The following KCNQ3 variants were observed in gnomAD, a reference collection of about 807,000 sequenced individuals.
KCNQ3 encodes potassium voltage-gated channel subfamily Q member 3.
In KCNQ3, 30 loss-of-function variants were observed where a neutral mutation model predicts 92.5. That is an observed-to-expected ratio of 0.32 (90% CI 0.24 to 0.44). KCNQ3 has a LOEUF of 0.44. KCNQ3 is among the 20% of genes least tolerant of loss of function. KCNQ3 has a pLI of 1.00. For synonymous variants in KCNQ3, 450 were observed against 468.8 expected (o/e 0.96, Z 0.52); for missense variants, 913 against 1,140.3 (o/e 0.80, Z 2.87).
intron 1 of KCNQ3, among the ~76,000 whole-genome samples, chr8:132,301,360 C>T (rs1817211735): frequency 6.6e-6 from 1 of 152,140 alleles, no homozygotes; most frequent in African/African-American, 2.4e-5. Context: ...CCACCATGGC[C>T]ACCCTCCCTG....
At chr8:132,418,589 C>T (rs1820882377) in intron 1 of KCNQ3, among the ~76,000 whole-genome samples, 1 of 152,116 alleles carries the variant, frequency 6.6e-6, no homozygotes, top group African/African-American at 2.4e-5. Context: ...AGTTCAAGAC[C>T]TGCCTGGACA....
chr8:132,208,737 A>C (rs111315877), intron 1 of KCNQ3, among the ~76,000 whole-genome samples: 19 of 152,322 alleles, frequency 1.2e-4, no homozygotes, highest in African/African-American at 4.6e-4. Flanking sequence ...GGGTCTAATC[A>C]ATAGACTTCT....
chr8:132,200,171 T>C (rs1212780997), intron 1 of KCNQ3, among the ~76,000 whole-genome samples: 2 of 152,216 alleles, frequency 1.3e-5, no homozygotes, highest in East Asian at 3.8e-4. Flanking sequence ...TATATATGTT[T>C]ATATCTATAT....
intron 1 of KCNQ3, among the ~76,000 whole-genome samples, chr8:132,293,421 C>G (rs1242280662): frequency 6.6e-6 from 1 of 152,248 alleles, no homozygotes; most frequent in East Asian, 1.9e-4. Flanking sequence ...CAGCTGGTGT[C>G]TGCTGCCTGG....
At chr8:132,427,570 T>C (rs1262629639) in intron 1 of KCNQ3, among the ~76,000 whole-genome samples, 1 of 152,250 alleles carries the variant, frequency 6.6e-6, no homozygotes, top group Non-Finnish European at 1.5e-5. Flanking sequence ...TGCTGTAAGC[T>C]GCATTTGCTC....
At chr8:132,440,297 T>C (rs1235059013) in intron 1 of KCNQ3, among the ~76,000 whole-genome samples, 1 of 152,212 alleles carries the variant, frequency 6.6e-6, no homozygotes, top group Admixed American at 6.5e-5. Flanking sequence ...GCAGCACAGA[T>C]GAAGTGCTGC....
chr8:132,333,050 TG>T (rs1321263622), intron 1 of KCNQ3, among the ~76,000 whole-genome samples: 1 of 150,872 alleles, frequency 6.6e-6, no homozygotes, highest in Admixed American at 6.6e-5. Flanking sequence ...GATGGATGGA[TG>T]GATGGATGGA....
At chr8:132,315,156 T>C (rs971635010) in intron 1 of KCNQ3, among the ~76,000 whole-genome samples, 6 of 151,954 alleles carry the variant, frequency 3.9e-5, no homozygotes, top group Admixed American at 1.3e-4. Flanking sequence ...AAATGAGAAA[T>C]TGAATATATT....
Position 132,125,269 on chromosome 8 carries a change from C to T in KCNQ3, c.*3993G>A, listed in dbSNP as rs548354067. The T allele has an allele frequency of 6.6e-6, 1 of 152,280 alleles. No individual in the cohort carries two copies. Among genetic ancestry groups the T allele is most frequent in the African/African-American group, 2.4e-5 (1 of 41,550 alleles). The allele number at this position is 152,280 out of a possible 1,614,324, so 9.4% of individuals were successfully genotyped here. A position where few individuals can be genotyped will look rare whatever the true frequency, so the allele number is the denominator to read the frequency against. ...CTTGACTGGGCTGATTGGATCATTGCCATTTTGATGTAGAACCTTTGCTCT... is the reference window on the plus strand; with the variant it reads ...CTTGACTGGGCTGATTGGATCATTGTCATTTTGATGTAGAACCTTTGCTCT... On this transcript the variant is annotated 3_prime_UTR_variant, in exon 15 of 15. Coordinates refer to ENST00000388996, the MANE Select transcript of KCNQ3 (RefSeq NM_004519.4).
chr8:132,274,617 TTTCA>T (rs1485635843), intron 1 of KCNQ3, among the ~76,000 whole-genome samples: 1 of 152,220 alleles, frequency 6.6e-6, no homozygotes, highest in Non-Finnish European at 1.5e-5. Flanking sequence ...CCATGTTATA[TTTCA>T]TTCATTCATC....
intron 1 of KCNQ3, among the ~76,000 whole-genome samples, chr8:132,275,457 T>A (rs529253943): frequency 6.6e-6 from 1 of 152,168 alleles, no homozygotes; most frequent in East Asian, 1.9e-4. Flanking sequence ...AATCCAGTCA[T>A]CATTAGCAAC....
intron 9 of KCNQ3, among the ~76,000 whole-genome samples, chr8:132,152,826 A>G (rs185230788): frequency 1.6e-4 from 25 of 151,992 alleles, no homozygotes; most frequent in African/African-American, 6.0e-4. Flanking sequence ...AAAAGGTCTT[A>G]TCTGAGATTC....
chr8:132,480,674 C>T lies in KCNQ3; in HGVS notation c.-142G>A. The T allele has an allele frequency of 2.3e-6, 2 of 864,830 alleles. No individual in the cohort carries two copies. Among genetic ancestry groups the T allele is most frequent in the Non-Finnish European group, 2.8e-6 (2 of 710,010 alleles). The allele number at this position is 864,830 out of a possible 1,614,324, so 53.6% of individuals were successfully genotyped here. ...ATGATCCGCGCGCCCCTCCCCACCCCCCCCCAAAAGCAGGCAAAGGCGGGC... is the reference window on the plus strand; with the variant it reads ...ATGATCCGCGCGCCCCTCCCCACCCTCCCCCAAAAGCAGGCAAAGGCGGGC... On this transcript the variant is annotated 5_prime_UTR_variant, in exon 1 of 15. Transcript: ENST00000388996.
At position 132,480,404 on chromosome 8, in the gene KCNQ3, C is replaced by T. The variant is rs1274459587; in HGVS notation, c.129G>A (p.Val43=). 2.0e-6 allele frequency: 3 copies of T among 1,529,852 alleles called. No homozygotes were observed. Among genetic ancestry groups the T allele is most frequent in the South Asian group, 2.4e-5 (2 of 82,104 alleles). The allele number at this position is 1,529,852 out of a possible 1,614,324, so 94.8% of individuals were successfully genotyped here. A position where few individuals can be genotyped will look rare whatever the true frequency, so the allele number is the denominator to read the frequency against. The change falls in exon 1 of 15, where the codon GTG becomes GTA. Residue 43 remains valine (V), a synonymous_variant. Transcript: ENST00000388996. The part of the protein sequence containing the change: ...AAAAGDEERK[V]GLAPGDVEQV... Reference sequence around the variant, plus strand: ...GCTCCACGTCGCCGGGCGCCAGCCCCACTTTCCGCTCCTCGTCGCCGGCCG... The same window carrying T: ...GCTCCACGTCGCCGGGCGCCAGCCCTACTTTCCGCTCCTCGTCGCCGGCCG...
At chr8:132,299,161 C>CATATATAT (rs35617146) in intron 1 of KCNQ3, among the ~76,000 whole-genome samples, 17 of 140,196 alleles carry the variant, frequency 1.2e-4, no homozygotes, top group African/African-American at 2.6e-4. Flanking sequence ...GCACATAGTA[C>CATATATAT]ATATATATAT....
chr8:132,286,397 C>T (rs1014201840), intron 1 of KCNQ3, among the ~76,000 whole-genome samples: 5 of 152,340 alleles, frequency 3.3e-5, no homozygotes, highest in African/African-American at 7.2e-5. Flanking sequence ...ATGTCCTTCC[C>T]TCTGTGTTTC....
intron 1 of KCNQ3, among the ~76,000 whole-genome samples, chr8:132,221,081 C>T (rs1247658550): frequency 6.6e-6 from 1 of 152,132 alleles, no homozygotes; most frequent in Admixed American, 6.5e-5. Context: ...GTTTTCTGTC[C>T]TTGTGATAGT....
At chr8:132,266,399 G>T (rs1396025245) in intron 1 of KCNQ3, among the ~76,000 whole-genome samples, 1 of 152,188 alleles carries the variant, frequency 6.6e-6, no homozygotes, top group Non-Finnish European at 1.5e-5. Flanking sequence ...TATGTCACAA[G>T]TTACTCTGTA....
At chr8:132,439,479 C>A (rs1229884660) in intron 1 of KCNQ3, among the ~76,000 whole-genome samples, 1 of 152,000 alleles carries the variant, frequency 6.6e-6, no homozygotes, top group Non-Finnish European at 1.5e-5. Context: ...TGTTTTAACC[C>A]CCAGAATCTG....
Sources: gnomAD v4.1 joint callset for allele counts (sites outside exome capture counted in the v4.1 genomes callset) on GRCh38, gnomAD v4.1.1 for gene constraint, MANE v1.5 for transcripts, NCBI Gene and HGNC (gene_info 2026-07-23, HGNC 2026-07-21) for gene names.